CDKAL1: variants seen among roughly 807,000 people sequenced by gnomAD.
CDKAL1 encodes the protein CDKAL1 threonylcarbamoyladenosine tRNA methylthiotransferase.
A neutral mutation model predicts 68.2 loss-of-function variants in CDKAL1; 32 were observed. The ratio of observed to expected loss-of-function variants is 0.47; its 90% CI spans 0.35 to 0.63. CDKAL1 has a LOEUF of 0.63. Ranked by LOEUF, CDKAL1 falls within the 30% of genes least tolerant of loss-of-function variation. CDKAL1 has a pLI of 0.00. For missense variants in CDKAL1, 606 were observed against 696.7 expected, an observed-to-expected ratio of 0.87 and a Z score of 1.47; for synonymous variants, 234 against 244.3, an observed-to-expected ratio of 0.96 and a Z score of 0.39.
intron 8 of CDKAL1, among the ~76,000 whole-genome samples, chr6:20,845,212 T>C (rs947211067): frequency 1.3e-5 from 2 of 152,214 alleles, no homozygotes; most frequent in Non-Finnish European, 2.9e-5. Context: ...AAAGCCTTGC[T>C]ACTCATTATA....
intron 15 of CDKAL1, among the ~76,000 whole-genome samples, chr6:21,211,895 C>T (rs1779163438): frequency 2.0e-5 from 3 of 152,034 alleles, no homozygotes; most frequent in African/African-American, 7.2e-5. Context: ...GTAGCTGGGA[C>T]TTCAGACATG....
At chr6:20,827,868 A>G (rs892395822) in intron 8 of CDKAL1, among the ~76,000 whole-genome samples, 2 of 152,010 alleles carry the variant, frequency 1.3e-5, no homozygotes, top group African/African-American at 4.8e-5. Flanking sequence ...TTTAATTGGG[A>G]ACATTTCCTT....
At chr6:20,553,043 T>C (rs1156545799) in intron 4 of CDKAL1, among the ~76,000 whole-genome samples, 1 of 152,222 alleles carries the variant, frequency 6.6e-6, no homozygotes, top group Non-Finnish European at 1.5e-5. Flanking sequence ...AAAATATACC[T>C]TATGTATAAT....
chr6:20,699,794 A>G (rs1479382555), intron 5 of CDKAL1, among the ~76,000 whole-genome samples: 1 of 152,214 alleles, frequency 6.6e-6, no homozygotes, highest in Admixed American at 6.5e-5. Flanking sequence ...AGATCACAGA[A>G]CCATGTACAG....
chr6:21,058,374 C>T (rs1257911789), intron 11 of CDKAL1, among the ~76,000 whole-genome samples: 2 of 152,154 alleles, frequency 1.3e-5, no homozygotes, highest in African/African-American at 4.8e-5. Flanking sequence ...TGTAAATTTT[C>T]TTCCATCCCT....
At chr6:20,546,256 A>T in intron 2 of CDKAL1, 90 bp from the exon 3 acceptor site, 1 of 972,646 alleles carries the variant, frequency 1.0e-6, no homozygotes, top group Non-Finnish European at 1.5e-6. Context: ...AGGCTTGATT[A>T]GATTCAAATT....
chr6:20,837,849 C>A (rs1163155214), intron 8 of CDKAL1, among the ~76,000 whole-genome samples: 1 of 150,160 alleles, frequency 6.7e-6, no homozygotes, highest in Non-Finnish European at 1.5e-5. Context: ...GGTATGTGTA[C>A]CTAAAAAGAA....
intron 4 of CDKAL1, among the ~76,000 whole-genome samples, chr6:20,608,277 T>C (rs1401376366): frequency 6.6e-6 from 1 of 152,116 alleles, no homozygotes; most frequent in Non-Finnish European, 1.5e-5. Context: ...GTGTAATTTA[T>C]ATATATATAA....
intron 10 of CDKAL1, among the ~76,000 whole-genome samples, chr6:20,985,231 T>C (rs1169894310): frequency 6.6e-6 from 1 of 152,212 alleles, no homozygotes; most frequent in African/African-American, 2.4e-5. Flanking sequence ...GCTTTGGGTG[T>C]GGACATTCAA....
intron 4 of CDKAL1, among the ~76,000 whole-genome samples, chr6:20,598,460 C>G (rs1302140002): frequency 1.3e-5 from 2 of 151,790 alleles, no homozygotes; most frequent in East Asian, 3.9e-4. Flanking sequence ...AGAGAATACA[C>G]TGGACTTTTA....
intron 2 of CDKAL1, among the ~76,000 whole-genome samples, chr6:20,545,742 A>C (rs1368110709): frequency 6.6e-6 from 1 of 152,216 alleles, no homozygotes; most frequent in South Asian, 2.1e-4. Flanking sequence ...GATTACAGGC[A>C]TAAGCCACTG....
At chr6:20,621,608 T>C (rs1281109695) in intron 4 of CDKAL1, among the ~76,000 whole-genome samples, 2 of 152,306 alleles carry the variant, frequency 1.3e-5, no homozygotes, top group East Asian at 3.9e-4. Flanking sequence ...TATTCAATCA[T>C]TTATATCACT....
In CDKAL1 at chr6:20,632,002, T is replaced by C. The variant is rs373393223; in HGVS notation, c.287-17291T>C. ...ACTGTATGTGTTCATTCATCACATC[T>C]GTTAAATGAAAACATTTTAATGATA... On this transcript the variant is annotated intron_variant, in intron 4 of 15. Transcript: ENST00000274695. Among the ~76,000 whole-genome samples the C allele has an allele frequency of 3.5e-4, 53 of 152,388 alleles. No individual in the cohort carries two copies. The South Asian group carries it at 0.011, about 31-fold the overall frequency.
At chr6:20,790,354 G>T (rs182982121) in intron 8 of CDKAL1, among the ~76,000 whole-genome samples, 3 of 152,064 alleles carry the variant, frequency 2.0e-5, no homozygotes, top group African/African-American at 7.3e-5. Flanking sequence ...CTGGTGGGGT[G>T]GGGGGAACCA....
chr6:20,562,628 G>A (rs1222973050), intron 4 of CDKAL1, among the ~76,000 whole-genome samples: 1 of 151,810 alleles, frequency 6.6e-6, no homozygotes. Flanking sequence ...TGTAATCCCA[G>A]CTACTCGGGA....
intron 11 of CDKAL1, among the ~76,000 whole-genome samples, chr6:21,019,835 A>G (rs1768543340): frequency 6.6e-6 from 1 of 152,162 alleles, no homozygotes. Context: ...CACTATGGCT[A>G]TTTAGTTTAC....
chr6:20,863,988 T>G (rs1165676603), intron 9 of CDKAL1, among the ~76,000 whole-genome samples: 1 of 152,210 alleles, frequency 6.6e-6, no homozygotes, highest in Admixed American at 6.5e-5. Context: ...TGTAATTCAC[T>G]TATGTAATTT....
At chr6:20,794,560 C>A (rs1444560374) in intron 8 of CDKAL1, among the ~76,000 whole-genome samples, 1 of 152,030 alleles carries the variant, frequency 6.6e-6, no homozygotes, top group Non-Finnish European at 1.5e-5. Context: ...TACCTACTAC[C>A]CACACACTTT....
chr6:20,743,986 G>A (rs1364923604), intron 6 of CDKAL1, among the ~76,000 whole-genome samples: 8 of 152,184 alleles, frequency 5.3e-5, no homozygotes, highest in African/African-American at 1.9e-4. Flanking sequence ...ATATTTATGA[G>A]TGACCAGTAT....
Sources: allele counts gnomAD v4.1 joint callset (sites outside exome capture counted in the v4.1 genomes callset), GRCh38; gene constraint gnomAD v4.1.1; transcripts MANE v1.5; gene names NCBI Gene and HGNC (gene_info 2026-07-23, HGNC 2026-07-21).